Variants in ZNF652 observed in about 807,000 individuals in gnomAD.
The protein encoded by ZNF652 is zinc finger protein 652.
Under a neutral mutation model 45.2 loss-of-function variants are expected in ZNF652, and 16 were observed. The ratio of observed to expected loss-of-function variants is 0.35; its 90% CI spans 0.24 to 0.54. The LOEUF (loss-of-function observed/expected upper bound fraction) is 0.54. Ranked by LOEUF, ZNF652 falls within the 20% of genes least tolerant of loss-of-function variation. The probability of loss-of-function intolerance (pLI) is 0.91; values close to 1 mark genes in which losing one functional copy is unlikely to be tolerated. For synonymous variants in ZNF652, 250 were observed against 260.6 expected (o/e 0.96, Z 0.39); for missense variants, 614 against 765.6 (o/e 0.80, Z 2.34).
chr17:49,315,356 A>G (rs4794040), intron 2 of ZNF652, among the ~76,000 whole-genome samples: 34,974 of 151,912 alleles, frequency 0.23, 4,145 homozygotes, highest in South Asian at 0.32. Context: ...TTTAGTTTTT[A>G]CTTGTTACCA....
chr17:49,305,341 T>C (rs2069614202), intron 5 of ZNF652, among the ~76,000 whole-genome samples: 1 of 152,200 alleles, frequency 6.6e-6, no homozygotes, highest in Non-Finnish European at 1.5e-5. Flanking sequence ...TTTATCTTAT[T>C]ATTTTTTGAG....
chr17:49,350,170 TGAG>T (rs1465234724), intron 1 of ZNF652, among the ~76,000 whole-genome samples: 1 of 152,024 alleles, frequency 6.6e-6, no homozygotes, highest in Admixed American at 6.6e-5. Flanking sequence ...AAAGAAACCA[TGAG>T]GAGTTTATGA....
intron 1 of ZNF652, among the ~76,000 whole-genome samples, chr17:49,333,115 T>C (rs1267893254): frequency 6.6e-6 from 1 of 151,620 alleles, no homozygotes; most frequent in Non-Finnish European, 1.5e-5. Flanking sequence ...TGGAGTGCAG[T>C]GGCGCGATCT....
intron 4 of ZNF652, 103 bp downstream of exon 4, chr17:49,311,824 G>A: frequency 4.3e-6 from 4 of 933,444 alleles, no homozygotes; most frequent in Non-Finnish European, 6.6e-6. Context: ...TCTGTGGAAG[G>A]CAGCCTTGTG....
rs1040180764 is a variant in ZNF652 at position 49,307,613 on chromosome 17, G to A, written c.1309+3699C>T. On this transcript the variant is annotated intron_variant, in intron 5 of 5. Transcript: ENST00000430262. Reference sequence around the variant, plus strand: ...AAAAAAAAAAAAAAATAGGCTGGGCGTGGCAGCATGAGCCTGTAATCCCAG... The same window carrying A: ...AAAAAAAAAAAAAAATAGGCTGGGCATGGCAGCATGAGCCTGTAATCCCAG... 2.7e-5 allele frequency among the ~76,000 whole-genome samples: 4 copies of A among 149,980 alleles called. No homozygotes were observed. In the East Asian group the frequency reaches 7.8e-4, roughly 29 times the overall value.
chr17:49,321,648 G>A (rs77234659), intron 1 of ZNF652, among the ~76,000 whole-genome samples: 1,881 of 152,114 alleles, frequency 0.012, 32 homozygotes, highest in African/African-American at 0.041. Flanking sequence ...AAGCTGCTAC[G>A]AGTAGAAACC....
Position 49,351,649 on chromosome 17 carries a change from AT to A in ZNF652, c.-259+10259del, listed in dbSNP as rs375084693. ...TAGAAGTAAAGGTGGAAAAGGCCAT[AT>A]TTTTTTTTCTTCATATTTTTCTAGA... is the stretch of plus-strand genomic sequence containing the variant. On this transcript the variant is annotated intron_variant, in intron 1 of 5. Transcript: ENST00000430262. Among the ~76,000 whole-genome samples, 695 of 151,562 alleles carry A rather than the reference AT, an allele frequency of 4.6e-3. 4 individuals are homozygous for A. The highest frequency in any genetic ancestry group is 0.014 in the African/African-American group (598 of 41,342).
chr17:49,351,756 G>A (rs1160326649), intron 1 of ZNF652, among the ~76,000 whole-genome samples: 1 of 152,150 alleles, frequency 6.6e-6, no homozygotes, highest in Non-Finnish European at 1.5e-5. Flanking sequence ...GCTGAGATGG[G>A]AGGATTGCTT....
chr17:49,355,316 G>A (rs1371679167), intron 1 of ZNF652, among the ~76,000 whole-genome samples: 1 of 152,214 alleles, frequency 6.6e-6, no homozygotes, highest in African/African-American at 2.4e-5. Flanking sequence ...TGGGCATGGT[G>A]GCTCACGCCT....
Position 49,293,563 on chromosome 17 carries a change from G to T in ZNF652, c.*4850C>A, listed in dbSNP as rs576071372. ...GGTTGGAAGGTCATCATTCTTTATT[G>T]TAAGTGCTACAGATGACAAAAGCAG... On this transcript the variant is annotated 3_prime_UTR_variant, in exon 6 of 6. Transcript: ENST00000430262. 1.4e-5 allele frequency among the ~76,000 whole-genome samples: 2 copies of T among 142,444 alleles called. No homozygotes were observed. The highest frequency in any genetic ancestry group is 2.6e-5 in the African/African-American group (1 of 38,872). 93.4% of individuals were successfully genotyped at this position (142,444 alleles called of 152,430 possible). A position where few individuals can be genotyped will look rare whatever the true frequency, so the allele number is the denominator to read the frequency against.
At chr17:49,337,469 G>A (rs921928554) in intron 1 of ZNF652, among the ~76,000 whole-genome samples, 1 of 152,118 alleles carries the variant, frequency 6.6e-6, no homozygotes, top group Non-Finnish European at 1.5e-5. Flanking sequence ...CTGATCCAGT[G>A]GATCCTTCCT....
At chr17:49,307,657 C>A (rs112467796) in intron 5 of ZNF652, among the ~76,000 whole-genome samples, 3 of 151,314 alleles carry the variant, frequency 2.0e-5, no homozygotes, top group African/African-American at 7.3e-5. Flanking sequence ...GAGGTTGAAG[C>A]AGGAGAATCG....
At chr17:49,350,739 G>C (rs1439918415) in intron 1 of ZNF652, among the ~76,000 whole-genome samples, 1 of 151,282 alleles carries the variant, frequency 6.6e-6, no homozygotes, top group African/African-American at 2.4e-5. Flanking sequence ...GGAGGCCAAG[G>C]CAGGCGAATC....
At position 49,305,671 on chromosome 17, in the gene ZNF652, T is replaced by C. The variant is rs114781983; in HGVS notation, c.1309+5641A>G. ...ATCATCATCAACACCATCATTACCA[T>C]TCACCAGACTATAAGCTCCTGAAGA... is the stretch of plus-strand genomic sequence containing the variant. On this transcript the variant is annotated intron_variant, in intron 5 of 5. Coordinates refer to ENST00000430262, the MANE Select transcript of ZNF652 (RefSeq NM_001145365.3). Among the ~76,000 whole-genome samples the C allele has an allele frequency of 5.5e-3, 834 of 152,284 alleles. 3 individuals are homozygous for C. The highest frequency in any genetic ancestry group is 0.019 in the African/African-American group (794 of 41,550).
At chr17:49,324,726 G>C (rs1248046177) in intron 1 of ZNF652, among the ~76,000 whole-genome samples, 1 of 147,618 alleles carries the variant, frequency 6.8e-6, no homozygotes, top group South Asian at 2.1e-4. Context: ...GTGTTCACTG[G>C]GGTAGCACTT....
intron 5 of ZNF652, among the ~76,000 whole-genome samples, chr17:49,310,242 C>G (rs7221336): frequency 1.3e-5 from 2 of 152,036 alleles, no homozygotes; most frequent in African/African-American, 4.8e-5. Context: ...CGTGAGCCAC[C>G]GCGCCCGGCC....
At chr17:49,328,715 T>C (rs182464717) in intron 1 of ZNF652, among the ~76,000 whole-genome samples, 133 of 152,338 alleles carry the variant, frequency 8.7e-4, no homozygotes, top group African/African-American at 3.1e-3. Context: ...CAAGCAGATG[T>C]TGGTGCCAGG....
At chr17:49,346,030 C>T (rs530860942) in intron 1 of ZNF652, among the ~76,000 whole-genome samples, 11 of 152,244 alleles carry the variant, frequency 7.2e-5, no homozygotes, top group Non-Finnish European at 1.2e-4. Context: ...GAGCACCTGC[C>T]ATGTGCCAAG....
chr17:49,305,867 CTT>C (rs996989067), intron 5 of ZNF652, among the ~76,000 whole-genome samples: 3 of 152,210 alleles, frequency 2.0e-5, no homozygotes, highest in African/African-American at 7.2e-5. Context: ...CCTCATTTCT[CTT>C]TAACTGCAAA....
Sources: gnomAD v4.1 joint callset for allele counts (sites outside exome capture counted in the v4.1 genomes callset) on GRCh38, gnomAD v4.1.1 for gene constraint, MANE v1.5 for transcripts, NCBI Gene and HGNC (gene_info 2026-07-23, HGNC 2026-07-21) for gene names.